PCDH7: variants seen among roughly 807,000 people sequenced by gnomAD.
PCDH7 encodes protocadherin 7, also known as protocadherin-7.
PCDH7 carries 17 observed loss-of-function variants against 58.9 expected under a neutral mutation model. That is an observed-to-expected ratio of 0.29 (90% CI 0.20 to 0.43). PCDH7 has a LOEUF of 0.43. Among genes scored for constraint, PCDH7 ranks in the 20% least tolerant of loss-of-function variants. The probability of loss-of-function intolerance (pLI) is 1.00; values close to 1 mark genes in which losing one functional copy is unlikely to be tolerated. For missense variants in PCDH7, 1,274 were observed against 1,441.0 expected (o/e 0.88, Z 1.88); for synonymous variants, 664 against 616.4 (o/e 1.08, Z -1.14).
intron 3 of PCDH7, among the ~76,000 whole-genome samples, chr4:30,968,375 A>ATATAGTGT (rs1560541525): frequency 7.0e-5 from 5 of 71,740 alleles, no homozygotes; most frequent in African/African-American, 2.2e-4. Flanking sequence ...ATATACACAC[A>ATATAGTGT]CTATATATAT....
At chr4:31,033,396 A>G (rs1755120209) in intron 3 of PCDH7, among the ~76,000 whole-genome samples, 1 of 152,262 alleles carries the variant, frequency 6.6e-6, no homozygotes. Context: ...AACAGAAGAT[A>G]GCATTTCAAT....
intron 1 of PCDH7, among the ~76,000 whole-genome samples, chr4:30,876,285 G>A (rs1736271322): frequency 6.6e-6 from 1 of 152,090 alleles, no homozygotes; most frequent in Admixed American, 6.6e-5. Flanking sequence ...AAACATATAT[G>A]AAGTAAGTGA....
At chr4:30,881,947 C>A (rs1418028820) in intron 1 of PCDH7, among the ~76,000 whole-genome samples, 2 of 152,050 alleles carry the variant, frequency 1.3e-5, no homozygotes, top group Admixed American at 1.3e-4. Flanking sequence ...TAACAACTGG[C>A]TAAAAAGCAG....
chr4:30,764,822 G>A (rs1367662242), intron 1 of PCDH7, among the ~76,000 whole-genome samples: 1 of 152,024 alleles, frequency 6.6e-6, no homozygotes, highest in Admixed American at 6.6e-5. Context: ...CCTGGTTCAA[G>A]CTATTCTCCT....
rs370624576 is a variant in PCDH7 at position 30,980,999 on chromosome 4, C to T, written c.*7+30784C>T. 7.0e-4 allele frequency among the ~76,000 whole-genome samples: 107 copies of T among 152,202 alleles called. 3 individuals carry two copies. In the South Asian group the frequency reaches 0.021, roughly 30 times the overall value. ...CTGGGACTACAGACGTGTGCCACCA[C>T]GCTCAGCTAATTTTTGTATTTTTAG... On this transcript the variant is annotated intron_variant, in intron 3 of 3. Transcript: ENST00000509759.
At chr4:30,919,434 A>G (rs1445537603) in intron 1 of PCDH7, among the ~76,000 whole-genome samples, 1 of 152,178 alleles carries the variant, frequency 6.6e-6, no homozygotes, top group Non-Finnish European at 1.5e-5. Context: ...TTAAAAACAA[A>G]TTAAAGGCTG....
chr4:30,893,689 T>C (rs935949547), intron 1 of PCDH7, among the ~76,000 whole-genome samples: 1 of 152,106 alleles, frequency 6.6e-6, no homozygotes, highest in Non-Finnish European at 1.5e-5. Context: ...TATAACTGTG[T>C]TTCTAGGTAA....
chr4:31,080,846 T>C (rs1759441452), intron 3 of PCDH7, among the ~76,000 whole-genome samples: 1 of 152,152 alleles, frequency 6.6e-6, no homozygotes, highest in African/African-American at 2.4e-5. Flanking sequence ...TGGGAGATAA[T>C]GGAATCATGG....
chr4:30,847,077 C>G (rs1378940267), intron 1 of PCDH7, among the ~76,000 whole-genome samples: 1 of 151,878 alleles, frequency 6.6e-6, no homozygotes, highest in African/African-American at 2.4e-5. Context: ...GAGCTATGAT[C>G]ATACCACTGT....
intron 1 of PCDH7, among the ~76,000 whole-genome samples, chr4:30,788,659 T>A (rs1157854714): frequency 6.6e-6 from 1 of 152,036 alleles, no homozygotes; most frequent in African/African-American, 2.4e-5. Flanking sequence ...TCTCTACAGC[T>A]TTACGAATGG....
intron 1 of PCDH7, among the ~76,000 whole-genome samples, chr4:30,779,040 A>G (rs1248886020): frequency 8.4e-6 from 1 of 119,210 alleles, no homozygotes; most frequent in African/African-American, 3.4e-5. Flanking sequence ...TTAAATGGAG[A>G]CGGAGTCTCA....
At chr4:30,741,647 T>C (rs1436248050) in intron 1 of PCDH7, among the ~76,000 whole-genome samples, 1 of 152,198 alleles carries the variant, frequency 6.6e-6, no homozygotes, top group Non-Finnish European at 1.5e-5. Flanking sequence ...TAACTCCCAG[T>C]TGGAAACAAC....
intron 1 of PCDH7, among the ~76,000 whole-genome samples, chr4:30,752,971 A>G (rs926116947): frequency 3.9e-5 from 6 of 152,166 alleles, no homozygotes; most frequent in African/African-American, 1.4e-4. Context: ...TTAGACTTCA[A>G]CACGGAAGCA....
intron 3 of PCDH7, among the ~76,000 whole-genome samples, chr4:30,968,654 C>A (rs1401458539): frequency 6.6e-6 from 1 of 151,912 alleles, no homozygotes; most frequent in Admixed American, 6.6e-5. Flanking sequence ...AGTTCACTTG[C>A]CAGTTATTTT....
At chr4:30,955,225 C>T (rs1747727317) in intron 3 of PCDH7, among the ~76,000 whole-genome samples, 1 of 152,030 alleles carries the variant, frequency 6.6e-6, no homozygotes, top group South Asian at 2.1e-4. Flanking sequence ...AGAGGACAGC[C>T]TCTTTAGATA....
At chr4:30,853,424 G>A (rs909409578) in intron 1 of PCDH7, among the ~76,000 whole-genome samples, 2 of 152,180 alleles carry the variant, frequency 1.3e-5, no homozygotes, top group African/African-American at 4.8e-5. Flanking sequence ...TTCCTACGAT[G>A]GGCCTCTGGC....
intron 1 of PCDH7, among the ~76,000 whole-genome samples, chr4:30,853,101 A>G (rs1448838286): frequency 6.6e-6 from 1 of 152,058 alleles, no homozygotes; most frequent in Non-Finnish European, 1.5e-5. Context: ...GGTGCTTGCC[A>G]GTATTTGCCA....
chr4:31,057,704 T>G (rs182857614), intron 3 of PCDH7, among the ~76,000 whole-genome samples: 1 of 152,256 alleles, frequency 6.6e-6, no homozygotes, highest in African/African-American at 2.4e-5. Flanking sequence ...TAGAAAAATT[T>G]ATTGCTCATT....
rs566744585 is a variant in PCDH7, at chr4:30,875,735, G to A, written c.71-44418G>A. On this transcript the variant is annotated intron_variant, in intron 1 of 3. Coordinates refer to the PCDH7 transcript ENST00000509759. ...TCTGATTCCGTATTTGCTTTGTTGG[G>A]TCTTAGCTTAAGGTTCTTAGTTAAA... 2.0e-5 allele frequency among the ~76,000 whole-genome samples: 3 copies of A among 152,128 alleles called. No homozygotes were observed. The South Asian group carries it at 6.2e-4, about 32-fold the overall frequency.
Sources: gnomAD v4.1 joint callset for allele counts (sites outside exome capture counted in the v4.1 genomes callset) on GRCh38, gnomAD v4.1.1 for gene constraint, MANE v1.5 for transcripts, NCBI Gene and HGNC (gene_info 2026-07-23, HGNC 2026-07-21) for gene names.